Variants in IRS1 observed in about 807,000 individuals in gnomAD.
The protein encoded by IRS1 is insulin receptor substrate 1.
In IRS1, 34 loss-of-function variants were observed where a neutral mutation model predicts 65.6. The ratio of observed to expected loss-of-function variants is 0.52; its 90% CI spans 0.39 to 0.69. The LOEUF (loss-of-function observed/expected upper bound fraction) is 0.69. Ranked by LOEUF, IRS1 falls within the 30% of genes least tolerant of loss-of-function variation. The pLI is 0.00. For synonymous variants in IRS1, 699 were observed against 683.5 expected (o/e 1.02, Z -0.35); for missense variants, 1,641 against 1,720.2 (o/e 0.95, Z 0.81).
In IRS1 at chr2:226,796,947, GC is replaced by G. The variant is rs761880048; in HGVS notation, c.1791del (p.His598ThrfsTer38). The G allele has an allele frequency of 5.3e-5, 82 of 1,556,152 alleles. No homozygotes were observed. Among genetic ancestry groups the G allele is most frequent in the Admixed American group, 2.0e-4 (11 of 55,652 alleles). On this transcript the variant is annotated frameshift_variant, in exon 1 of 2. Coordinates refer to ENST00000305123, the MANE Select transcript of IRS1 (RefSeq NM_005544.3). LOFTEE classifies it high-confidence loss of function. ...AGGGTGGAGCTGTCTGGGCGGTGGTGCCCCCCCCGACGCTCCAAGGGGTGCA... is the reference window on the plus strand; with the variant it reads ...AGGGTGGAGCTGTCTGGGCGGTGGTGCCCCCCCGACGCTCCAAGGGGTGCA... ...LEMHPLERRGGHHRPDSSTLH... is the reference protein window; with the variant it reads ...LEMHPLERRGXHHRPDSSTLH...
chr2:226,799,126 G>T lies in IRS1; in HGVS notation c.-388C>A, dbSNP rs1424780003. On this transcript the variant is annotated 5_prime_UTR_variant, in exon 1 of 2. Transcript: ENST00000305123. This position sits in a 1 kb window ranked among gnomAD's most constrained non-coding sequence, Gnocchi z 6.1. ...GAGGCGACAGTCGGGGGTCCCTGCGGTGCCCCTCCAGGAGCGCGCGCGCGC... is the reference window on the plus strand; with the variant it reads ...GAGGCGACAGTCGGGGGTCCCTGCGTTGCCCCTCCAGGAGCGCGCGCGCGC... 1 of 1,165,082 alleles carries T rather than the reference G, an allele frequency of 8.6e-7. No homozygotes were observed. Among genetic ancestry groups the T allele is most frequent in the Non-Finnish European group, 1.1e-6 (1 of 928,778 alleles). The allele number at this position is 1,165,082 out of a possible 1,614,324, so 72.2% of individuals were successfully genotyped here. A position where few individuals can be genotyped will look rare whatever the true frequency, so the allele number is the denominator to read the frequency against.
In IRS1 at chr2:226,757,355, CTG is replaced by C. The variant is rs540925158; in HGVS notation, c.*22-21107_*22-21106del. 1.9e-3 allele frequency among the ~76,000 whole-genome samples: 282 copies of C among 152,292 alleles called. 1 individual carries two copies. The highest frequency in any genetic ancestry group is 3.4e-3 in the Middle Eastern group (1 of 294). The stretch of plus-strand genomic sequence containing the variant: ...GAGGCTGAGGCACAGTGGCTCACAA[CTG>C]TGATCTTGGCACTTTGGGAGGCTGA... On this transcript the variant is annotated intron_variant, in intron 1 of 1. Coordinates refer to ENST00000305123, the MANE Select transcript of IRS1 (RefSeq NM_005544.3).
Position 226,799,113 on chromosome 2 carries a change from G to A in IRS1, c.-375C>T, listed in dbSNP as rs1480641957. 3.4e-6 allele frequency: 4 copies of A among 1,180,812 alleles called. No individual in the cohort carries two copies. The highest frequency in any genetic ancestry group is 1.6e-5 in the African/African-American group (1 of 61,242). The allele number at this position is 1,180,812 out of a possible 1,614,324, so 73.1% of individuals were successfully genotyped here. The stretch of plus-strand genomic sequence containing the variant: ...AGTCCGGCACAGGGAGGCGACAGTC[G>A]GGGGTCCCTGCGGTGCCCCTCCAGG... On this transcript the variant is annotated 5_prime_UTR_variant, in exon 1 of 2. Transcript: ENST00000305123. This position sits in a 1 kb window ranked among gnomAD's most constrained non-coding sequence, Gnocchi z 6.1.
At chr2:226,752,152 C>T (rs1216351542) in intron 1 of IRS1, among the ~76,000 whole-genome samples, 1 of 152,180 alleles carries the variant, frequency 6.6e-6, no homozygotes, top group Non-Finnish European at 1.5e-5. Context: ...GCAGGTAGCT[C>T]ATTCCCAGAA....
Position 226,796,313 on chromosome 2 carries a change from G to A in IRS1, c.2426C>T (p.Ser809Phe), listed in dbSNP as rs1801120. ...ACCCAGGCTGTCGCTGCTGGTGGAAGAGGAAGAATCATCTGCTGTTGCAGC... is the reference window on the plus strand; with the variant it reads ...ACCCAGGCTGTCGCTGCTGGTGGAAAAGGAAGAATCATCTGCTGTTGCAGC... The part of the protein sequence containing the change: ...LYAATADDSS[S>F]STSSDSLGGG... Residue 809 changes from serine to phenylalanine, a missense_variant, in exon 1 of 2, where the codon TCT (serine) becomes TTT (phenylalanine). Transcript: ENST00000305123. The A allele has an allele frequency of 6.2e-7, 1 of 1,613,470 alleles. No individual in the cohort carries two copies. Among genetic ancestry groups the A allele is most frequent in the Admixed American group, 1.7e-5 (1 of 60,038 alleles).
intron 1 of IRS1, among the ~76,000 whole-genome samples, chr2:226,767,319 G>T (rs188471304): frequency 2.0e-5 from 3 of 152,156 alleles, no homozygotes; most frequent in East Asian, 1.9e-4. Context: ...TGAAATAAGC[G>T]CAAGCCATAA....
At position 226,738,699 on chromosome 2, in the gene IRS1, T is replaced by C. The variant is rs186840057; in HGVS notation, c.*22-2449A>G. ...CCCACAACAAGCTCCAGATCTCTTA[T>C]TTACTGTCAAGATTCTCCTGAATGC... On this transcript the variant is annotated intron_variant, in intron 1 of 1. Transcript: ENST00000305123. Among the ~76,000 whole-genome samples, 35 of 152,280 alleles carry C rather than the reference T, an allele frequency of 2.3e-4. No homozygotes were observed. The East Asian group carries it at 6.6e-3, about 29-fold the overall frequency.
At chr2:226,746,785 CTTTT>C (rs1213711501) in intron 1 of IRS1, among the ~76,000 whole-genome samples, 2 of 118,438 alleles carry the variant, frequency 1.7e-5, no homozygotes, top group Non-Finnish European at 3.5e-5. Flanking sequence ...TAGCAGCATT[CTTTT>C]TTTTTTTTTT....
In IRS1 at chr2:226,799,071, C is replaced by G. The variant is rs923411705; in HGVS notation, c.-333G>C. On this transcript the variant is annotated 5_prime_UTR_variant, in exon 1 of 2. Transcript: ENST00000305123. This position sits in a 1 kb window ranked among gnomAD's most constrained non-coding sequence, Gnocchi z 6.1. The stretch of plus-strand genomic sequence containing the variant: ...ACCAGGAAGGAGCGAAGATGCATCT[C>G]TCGTCGCCCCGGCTGGAGTCCGGCA... 2 of 1,274,512 alleles carry G rather than the reference C, an allele frequency of 1.6e-6. No homozygotes were observed. Among genetic ancestry groups the G allele is most frequent in the African/African-American group, 1.5e-5 (1 of 64,830 alleles). The allele number at this position is 1,274,512 out of a possible 1,614,324, so 79.0% of individuals were successfully genotyped here. A position where few individuals can be genotyped will look rare whatever the true frequency, so the allele number is the denominator to read the frequency against.
intron 1 of IRS1, among the ~76,000 whole-genome samples, chr2:226,780,698 G>A (rs1032951450): frequency 1.3e-5 from 2 of 152,094 alleles, no homozygotes; most frequent in Admixed American, 1.3e-4. Flanking sequence ...AAGATACATA[G>A]GAAGTTGCAA....
At chr2:226,751,383 C>A (rs1045246709) in intron 1 of IRS1, among the ~76,000 whole-genome samples, 3 of 149,784 alleles carry the variant, frequency 2.0e-5, no homozygotes, top group South Asian at 4.2e-4. Context: ...TCCCGGGTTC[C>A]CGGCATTCTC....
At chr2:226,792,084 A>G (rs1181550317) in intron 1 of IRS1, 1 of 152,306 alleles carries the variant, frequency 6.6e-6, no homozygotes, top group Non-Finnish European at 1.5e-5. Flanking sequence ...CCTTGACATC[A>G]CAAAAAAGGA....
In IRS1 at chr2:226,799,605, G is replaced by C. The variant is rs1383607958; in HGVS notation, c.-867C>G. On this transcript the variant is annotated 5_prime_UTR_variant, in exon 1 of 2. Transcript: ENST00000305123. The surrounding 1 kb of genome is among the most constrained non-coding windows in gnomAD (Gnocchi z 6.1). ...GATGGGGGAGGTTTGGGAAGGGTTC[G>C]GGGAAGACGCCTGTTCCTCGGGAGG... 9.9e-7 allele frequency: 1 copy of C among 1,011,298 alleles called. No individual in the cohort carries two copies. Among genetic ancestry groups the C allele is most frequent in the Non-Finnish European group, 1.2e-6 (1 of 836,988 alleles). 62.6% of individuals were successfully genotyped at this position (1,011,298 alleles called of 1,614,324 possible).
At position 226,797,640 on chromosome 2, in the gene IRS1, G is replaced by A. The variant is rs1354920532; in HGVS notation, c.1099C>T (p.Pro367Ser). 1 of 1,590,240 alleles carries A rather than the reference G, an allele frequency of 6.3e-7. No individual in the cohort carries two copies. Residue 367 changes from proline (P) to serine (S), a missense_variant, in exon 1 of 2, where the codon CCC (proline) becomes TCC (serine). This residue lies in a region of IRS1 where 1,324 missense variants were observed against 1,361.0 expected (regional missense o/e 0.97). Transcript: ENST00000305123. This position sits in a 1 kb window ranked among gnomAD's most constrained non-coding sequence, Gnocchi z 8.1. The stretch of plus-strand genomic sequence containing the variant: ...ATGGAGCGGCTGTGGTTGAGCGGGG[G>A]GTGCAGCCGGGCGCTGCCCCGATGC... ...HRHRGSARLH[P>S]PLNHSRSIPM...
chr2:226,792,143 T>C (rs1939625497), intron 1 of IRS1: 1 of 152,206 alleles, frequency 6.6e-6, no homozygotes. Context: ...TTTTTTTCTT[T>C]TTCTTTTTTC....
At chr2:226,778,591 C>T (rs180858269) in intron 1 of IRS1, among the ~76,000 whole-genome samples, 2 of 152,196 alleles carry the variant, frequency 1.3e-5, no homozygotes, top group East Asian at 3.9e-4. Context: ...TACATTACCA[C>T]TTTTGCATAA....
At chr2:226,768,360 G>A (rs1207810777) in intron 1 of IRS1, among the ~76,000 whole-genome samples, 2 of 152,132 alleles carry the variant, frequency 1.3e-5, no homozygotes, top group Non-Finnish European at 2.9e-5. Flanking sequence ...CCAAAAATGT[G>A]TCTAGGCACA....
Position 226,795,544 on chromosome 2 carries a change from T to A in IRS1, c.3195A>T (p.Gly1065=), listed in dbSNP as rs758653179. The part of the protein sequence containing the change: ...AHSSLLGGPQ[G]PGGMSAFTRV... ...GGGTGAAGGCGCTCATGCCCCCAGG[T>A]CCTTGTGGGCCCCCCAGCAGGGACG... Residue 1065 remains glycine, a synonymous_variant, in exon 1 of 2, where the codon GGA becomes GGT. Transcript: ENST00000305123. 6.2e-7 allele frequency: 1 copy of A among 1,613,122 alleles called. No individual in the cohort carries two copies. The highest frequency in any genetic ancestry group is 8.5e-7 in the Non-Finnish European group (1 of 1,179,986).
At chr2:226,758,859 AGG>A (rs1373232648) in intron 1 of IRS1, among the ~76,000 whole-genome samples, 124 of 152,322 alleles carry the variant, frequency 8.1e-4, no homozygotes, top group African/African-American at 2.8e-3. Context: ...AAAATATCCA[AGG>A]AAGTGAAATT....
Sources: allele counts gnomAD v4.1 joint callset (sites outside exome capture counted in the v4.1 genomes callset), GRCh38; gene constraint gnomAD v4.1.1; regional missense constraint gnomAD v4.1.1; non-coding constraint Gnocchi (gnomAD v3.1); transcripts MANE v1.5; gene names NCBI Gene and HGNC (gene_info 2026-07-23, HGNC 2026-07-21).